Variants in ZNF345 observed in about 807,000 individuals in gnomAD.
ZNF345 encodes the protein zinc finger protein 345.
For missense variants in ZNF345, 527 were observed against 589.9 expected, an observed-to-expected ratio of 0.89 and a Z score of 1.10; for synonymous variants, 166 against 187.9, an observed-to-expected ratio of 0.88 and a Z score of 0.95.
chr19:36,886,993 C>CAAAA (rs57034209), intron 3 of ZNF345, among the ~76,000 whole-genome samples: 868 of 40,780 alleles, frequency 0.021, 15 homozygotes, highest in East Asian at 0.079. Context: ...GACTCCGTCT[C>CAAAA]AAAAAAAAAA....
In ZNF345 at chr19:36,879,365, A is replaced by G. The variant is rs1340416521; in HGVS notation, c.*1068A>G. ...TTACCTGTAATCTTACCAATCATAG[A>G]TAATCACTGTCAAACTTTTGGAGCA... On this transcript the variant is annotated 3_prime_UTR_variant, in exon 3 of 3. Transcript: ENST00000420450. 6.0e-6 allele frequency: 1 copy of G among 167,116 alleles called. No individual in the cohort carries two copies. Among genetic ancestry groups the G allele is most frequent in the Non-Finnish European group, 1.5e-5 (1 of 68,126 alleles). The allele number at this position is 167,116 out of a possible 1,614,324, so 10.4% of individuals were successfully genotyped here.
At chr19:36,862,452 C>T (rs925540306) in intron 2 of ZNF345, among the ~76,000 whole-genome samples, 6 of 151,344 alleles carry the variant, frequency 4.0e-5, no homozygotes, top group South Asian at 2.1e-4. Context: ...CACTTGAGGC[C>T]GGGAGTTCAA....
In ZNF345 at chr19:36,878,374, C is replaced by T. The variant is rs894057127; in HGVS notation, c.*77C>T. On this transcript the variant is annotated 3_prime_UTR_variant, in exon 3 of 3. Coordinates refer to ENST00000420450, the MANE Select transcript of ZNF345 (RefSeq NM_001242472.2). ...GTGGTGAAAATCTCTACAAATAGAA[C>T]TAAGGTACAAATGCCTTACTTATGC... 3 of 1,406,426 alleles carry T rather than the reference C, an allele frequency of 2.1e-6. No homozygotes were observed. The highest frequency in any genetic ancestry group is 2.9e-5 in the African/African-American group (2 of 69,504). 87.1% of individuals were successfully genotyped at this position (1,406,426 alleles called of 1,614,324 possible).
chr19:36,859,878 GCACA>G (rs149214652), intron 2 of ZNF345, among the ~76,000 whole-genome samples: 10 of 147,832 alleles, frequency 6.8e-5, no homozygotes, highest in African/African-American at 1.7e-4. Context: ...CTCTCTCTCT[GCACA>G]CACACACACA....
At chr19:36,869,806 G>A (rs772901453) in intron 2 of ZNF345, among the ~76,000 whole-genome samples, 4 of 144,400 alleles carry the variant, frequency 2.8e-5, no homozygotes, top group South Asian at 2.2e-4. Flanking sequence ...CTGTCGCCCC[G>A]GCTGGAATGC....
chr19:36,853,139 A>G (rs565089808), intron 2 of ZNF345, among the ~76,000 whole-genome samples: 2 of 152,082 alleles, frequency 1.3e-5, no homozygotes, highest in South Asian at 4.1e-4. Flanking sequence ...ATTTCATTGT[A>G]ATAAAATCAT....
rs182439049 is a variant in ZNF345, at chr19:36,877,710, G to A, written c.880G>A (p.Ala294Thr). Residue 294 changes from alanine to threonine, a missense_variant, in exon 3 of 3, where the codon GCT (alanine) becomes ACT (threonine). Ala to Thr is a moderately conservative substitution (Grantham distance 58). Transcript: ENST00000420450. The stretch of plus-strand genomic sequence containing the variant: ...TTATGTATGTAAGGAATGTGGGAAG[G>A]CTTTTAATAGTGGCTCAGATCTCAC... The part of the protein sequence containing the change: ...KPYVCKECGK[A>T]FNSGSDLTQH... The A allele has an allele frequency of 3.3e-4, 535 of 1,613,894 alleles. 2 individuals carry two copies. The highest frequency in any genetic ancestry group is 8.2e-4 in the Middle Eastern group (5 of 6,062).
chr19:36,859,092 T>TAA (rs11306503), intron 2 of ZNF345, among the ~76,000 whole-genome samples: 3,185 of 142,738 alleles, frequency 0.022, 101 homozygotes, highest in African/African-American at 0.061. Flanking sequence ...GTCTTCTTTT[T>TAA]AAAAAAAAAA....
At chr19:36,891,921 A>G in intron 3 of ZNF345, 2 of 1,614,058 alleles carry the variant, frequency 1.2e-6, no homozygotes, top group Non-Finnish European at 1.7e-6. Flanking sequence ...TCTCACCAGT[A>G]TGAATTCTCA....
chr19:36,891,598 T>C (rs779514046), intron 3 of ZNF345: 1 of 1,613,806 alleles, frequency 6.2e-7, no homozygotes, highest in East Asian at 2.2e-5. Flanking sequence ...AATTCTCTGA[T>C]GTCGAGTAAG....
Position 36,878,162 on chromosome 19 carries a change from T to G in ZNF345, c.1332T>G (p.His444Gln). 1 of 1,614,162 alleles carries G rather than the reference T, an allele frequency of 6.2e-7. No individual in the cohort carries two copies. The highest frequency in any genetic ancestry group is 8.5e-7 in the Non-Finnish European group (1 of 1,180,018). ...AFYSGSSLTQ[H>Q]QRIHTGEKLY... ...ATAGTGGCTCAAGCCTTACTCAGCA[T>G]CAGAGAATTCATACAGGTGAGAAAC... The change falls in exon 3 of 3, where the codon CAT becomes CAG. Residue 444 changes from histidine (H) to glutamine (Q), a missense_variant. By Grantham distance (24) the His-to-Gln change is conservative. Coordinates refer to ENST00000420450, the MANE Select transcript of ZNF345 (RefSeq NM_001242472.2).
rs202011849 is a variant in ZNF345, at chr19:36,877,074, C to A, written c.244C>A (p.Arg82=). 2.5e-6 allele frequency: 4 copies of A among 1,613,466 alleles called. No homozygotes were observed. The highest frequency in any genetic ancestry group is 3.3e-5 in the Admixed American group (2 of 59,958). Residue 82 remains arginine (R), a synonymous_variant, in exon 3 of 3, where the codon CGA becomes AGA. Coordinates refer to ENST00000420450, the MANE Select transcript of ZNF345 (RefSeq NM_001242472.2). The part of the protein sequence containing the change: ...SFVSVLVRHQ[R]IHTGEKPYEC... Reference sequence around the variant, plus strand: ...TGTATCAGTCCTTGTTCGACATCAGCGAATTCATACTGGTGAGAAACCTTA... The same window carrying A: ...TGTATCAGTCCTTGTTCGACATCAGAGAATTCATACTGGTGAGAAACCTTA...
In ZNF345 at chr19:36,867,926, T is replaced by G. The variant is rs572763204; in HGVS notation, c.-46-8859T>G. On this transcript the variant is annotated intron_variant, in intron 2 of 2. Transcript: ENST00000420450. ...AATTGTAAGAAGAGAGTCCTACCTT[T>G]TCATTTTCAATACACATTGCAGTTC... 2.2e-4 allele frequency among the ~76,000 whole-genome samples: 33 copies of G among 152,130 alleles called. 1 individual carries two copies. The highest frequency in any genetic ancestry group is 4.3e-4 in the Non-Finnish European group (29 of 68,022).
intron 2 of ZNF345, among the ~76,000 whole-genome samples, chr19:36,869,490 C>T (rs978989482): frequency 2.0e-5 from 3 of 152,178 alleles, no homozygotes; most frequent in Non-Finnish European, 2.9e-5. Context: ...CATGACTGAA[C>T]TCAGTCTCCA....
downstream of ZNF345, among the ~76,000 whole-genome samples, chr19:36,884,534 A>G (rs774741204): frequency 4.6e-5 from 7 of 152,108 alleles, no homozygotes; most frequent in African/African-American, 7.2e-5. Context: ...AAGTGTTGCA[A>G]TCCAGGGAAG....
At chr19:36,892,359 A>T (rs2073064800) in intron 3 of ZNF345, 4 of 1,613,702 alleles carry the variant, frequency 2.5e-6, no homozygotes, top group Non-Finnish European at 2.5e-6. Context: ...TTTGAGGTGG[A>T]ATAAGAAATG....
intron 3 of ZNF345, chr19:36,892,683 C>A (rs1249887918): frequency 1.6e-6 from 1 of 617,904 alleles, no homozygotes; most frequent in Non-Finnish European, 2.7e-6. Context: ...AAGTAGATGA[C>A]CTCTATGATC....
At chr19:36,863,254 A>G (rs534683827) in intron 2 of ZNF345, among the ~76,000 whole-genome samples, 2 of 152,254 alleles carry the variant, frequency 1.3e-5, no homozygotes, top group Non-Finnish European at 2.9e-5. Flanking sequence ...GCATTTCCTT[A>G]CTTCCTGGAA....
At chr19:36,892,596 A>C in intron 3 of ZNF345, 1 of 1,016,000 alleles carries the variant, frequency 9.8e-7, no homozygotes, top group Non-Finnish European at 1.4e-6. Flanking sequence ...AAAGGTGGAG[A>C]GGCAATCTGT....
Sources: gnomAD v4.1 joint callset for allele counts (sites outside exome capture counted in the v4.1 genomes callset) on GRCh38, gnomAD v4.1.1 for gene constraint, MANE v1.5 for transcripts, NCBI Gene and HGNC (gene_info 2026-07-23, HGNC 2026-07-21) for gene names.